MAF: variants seen among roughly 807,000 people sequenced by gnomAD.
MAF encodes transcription factor Maf.
A neutral mutation model predicts 22.0 loss-of-function variants in MAF; 10 were observed. That is an observed-to-expected ratio of 0.45 (90% CI 0.28 to 0.77). The LOEUF is 0.77. Ranked by LOEUF, MAF falls within the 30% of genes least tolerant of loss-of-function variation. The pLI is 0.12. For synonymous variants in MAF, 337 were observed against 255.8 expected, an observed-to-expected ratio of 1.32 and a Z score of -3.03; for missense variants, 544 against 548.4, an observed-to-expected ratio of 0.99 and a Z score of 0.08.
the MAF span, among the ~76,000 whole-genome samples, chr16:79,370,010 C>G: frequency 6.6e-6 from 1 of 152,172 alleles, no homozygotes; most frequent in Non-Finnish European, 1.5e-5. Flanking sequence ...GGAGGTGACT[C>G]AACCGGGAGC....
At chr16:79,492,763 C>T in the MAF span, among the ~76,000 whole-genome samples, 1 of 152,044 alleles carries the variant, frequency 6.6e-6, no homozygotes, top group East Asian at 1.9e-4. Context: ...AGAAAGAGGC[C>T]AGACCCAAAA....
At chr16:79,220,435 T>G in the MAF span, among the ~76,000 whole-genome samples, 1 of 152,114 alleles carries the variant, frequency 6.6e-6, no homozygotes, top group Non-Finnish European at 1.5e-5. Flanking sequence ...GTTTTCATTT[T>G]ATATAGTTGT....
the MAF span, among the ~76,000 whole-genome samples, chr16:79,488,958 G>C: frequency 2.0e-5 from 3 of 152,160 alleles, no homozygotes; most frequent in Non-Finnish European, 2.9e-5. Flanking sequence ...CTGCCCTGTT[G>C]GCCTTTCAGG....
downstream of MAF, among the ~76,000 whole-genome samples, chr16:79,581,718 C>T (rs1249678694): frequency 6.6e-6 from 1 of 152,196 alleles, no homozygotes; most frequent in Non-Finnish European, 1.5e-5. Context: ...AAAACACAAT[C>T]CTACCGACAA....
the MAF span, among the ~76,000 whole-genome samples, chr16:79,226,264 C>G: frequency 6.6e-6 from 1 of 152,120 alleles, no homozygotes; most frequent in African/African-American, 2.4e-5. Flanking sequence ...ACATTCTCAG[C>G]AAACCAACAC....
At chr16:79,219,767 T>C in the MAF span, among the ~76,000 whole-genome samples, 1 of 152,070 alleles carries the variant, frequency 6.6e-6, no homozygotes, top group South Asian at 2.1e-4. Context: ...CAGACTTCAT[T>C]CCTACCGTGC....
At chr16:79,473,909 T>G in the MAF span, among the ~76,000 whole-genome samples, 15 of 152,174 alleles carry the variant, frequency 9.9e-5, no homozygotes, top group African/African-American at 2.4e-5. Context: ...ATTCTTCTCA[T>G]AACGTCTCCA....
chr16:79,410,668 A>C, the MAF span, among the ~76,000 whole-genome samples: 1 of 152,342 alleles, frequency 6.6e-6, no homozygotes, highest in Non-Finnish European at 1.5e-5. Flanking sequence ...GGCAAAGAAA[A>C]AAGAGTAGAG....
the MAF span, among the ~76,000 whole-genome samples, chr16:79,349,291 G>C: frequency 2.0e-5 from 3 of 152,114 alleles, no homozygotes; most frequent in Non-Finnish European, 2.9e-5. Context: ...GCTCCTAAGA[G>C]GGACTTGAGG....
At chr16:79,259,036 A>T in the MAF span, among the ~76,000 whole-genome samples, 1 of 152,112 alleles carries the variant, frequency 6.6e-6, no homozygotes. Context: ...GAGGTTAAAA[A>T]TTCTCCTCCT....
chr16:79,244,341 T>A, the MAF span, among the ~76,000 whole-genome samples: 9 of 152,066 alleles, frequency 5.9e-5, no homozygotes, highest in African/African-American at 2.2e-4. Context: ...CAAAATCTCC[T>A]TAAGCAGATA....
At chr16:79,543,524 T>G in the MAF span, among the ~76,000 whole-genome samples, 9 of 152,198 alleles carry the variant, frequency 5.9e-5, no homozygotes, top group African/African-American at 2.2e-4. Context: ...CCAAAGCCTT[T>G]GCGGGCAGGA....
At chr16:79,395,949 C>T in the MAF span, among the ~76,000 whole-genome samples, 28 of 151,752 alleles carry the variant, frequency 1.8e-4, no homozygotes, top group South Asian at 1.7e-3. Context: ...GGCAAATGGC[C>T]CCCCCGGTGG....
the MAF span, among the ~76,000 whole-genome samples, chr16:79,370,060 C>T: frequency 2.0e-5 from 3 of 152,206 alleles, no homozygotes; most frequent in African/African-American, 7.2e-5. Flanking sequence ...CACTCACTCA[C>T]ATGACTAGTT....
At chr16:79,281,546 CT>C in the MAF span, among the ~76,000 whole-genome samples, 4,100 of 115,514 alleles carry the variant, frequency 0.035, 49 homozygotes, top group African/African-American at 0.059. Context: ...TCTTTGAAGA[CT>C]TTTTTTTTTT....
the MAF span, among the ~76,000 whole-genome samples, chr16:79,442,243 G>C: frequency 6.6e-6 from 1 of 152,180 alleles, no homozygotes; most frequent in Non-Finnish European, 1.5e-5. Context: ...GAAGGAAGAG[G>C]ACCAAGATAT....
chr16:79,229,223 C>T, the MAF span: 1 of 151,464 alleles, frequency 6.6e-6, no homozygotes, highest in Admixed American at 6.6e-5. Flanking sequence ...ATTTTAAAAC[C>T]CTCATCTCCA....
chr16:79,589,432 T>A (rs753441204), downstream of MAF, among the ~76,000 whole-genome samples: 2 of 152,176 alleles, frequency 1.3e-5, no homozygotes, highest in Non-Finnish European at 2.9e-5. Context: ...GCTATCTGGA[T>A]TTCCCGCTTG....
At chr16:79,423,944 T>A in the MAF span, among the ~76,000 whole-genome samples, 1 of 152,190 alleles carries the variant, frequency 6.6e-6, no homozygotes, top group Non-Finnish European at 1.5e-5. Flanking sequence ...CCAATTTGTT[T>A]CCACCATGAA....
Sources: gnomAD v4.1 joint callset for allele counts (sites outside exome capture counted in the v4.1 genomes callset) on GRCh38, gnomAD v4.1.1 for gene constraint, MANE v1.5 for transcripts, NCBI Gene and HGNC (gene_info 2026-07-23, HGNC 2026-07-21) for gene names.